DLGAP1: variants seen among roughly 807,000 people sequenced by gnomAD.
DLGAP1 encodes disks large-associated protein 1.
In DLGAP1, 11 loss-of-function variants were observed where a neutral mutation model predicts 90.8. That is an observed-to-expected ratio of 0.12 (90% confidence interval 0.08 to 0.20). The LOEUF is 0.20. DLGAP1 is among the 10% of genes least tolerant of loss of function. The probability of loss-of-function intolerance (pLI) is 1.00; values close to 1 mark genes in which losing one functional copy is unlikely to be tolerated. For missense variants in DLGAP1, 1,050 were observed against 1,333.8 expected, an observed-to-expected ratio of 0.79 and a Z score of 3.31; for synonymous variants, 558 against 540.7, an observed-to-expected ratio of 1.03 and a Z score of -0.44.
intron 9 of DLGAP1, among the ~76,000 whole-genome samples, chr18:3,550,091 T>C (rs2053299097): frequency 6.6e-6 from 1 of 151,904 alleles, no homozygotes; most frequent in South Asian, 2.1e-4. Flanking sequence ...TTTTTGTATT[T>C]TTAGTAGAGA....
intron 7 of DLGAP1, among the ~76,000 whole-genome samples, chr18:3,705,816 G>A (rs553915276): frequency 7.9e-5 from 12 of 151,590 alleles, no homozygotes; most frequent in Admixed American, 3.9e-4. Flanking sequence ...GTGCTACCAC[G>A]CGCAGCTAAT....
intron 6 of DLGAP1, among the ~76,000 whole-genome samples, chr18:3,738,968 C>T (rs367908540): frequency 1.3e-5 from 2 of 150,150 alleles, no homozygotes; most frequent in African/African-American, 4.9e-5. Context: ...GGGCGAAGGA[C>T]ATGAACAGAC....
intron 3 of DLGAP1, among the ~76,000 whole-genome samples, chr18:3,933,162 C>A (rs2072556399): frequency 6.6e-6 from 1 of 152,238 alleles, no homozygotes; most frequent in Admixed American, 6.5e-5. Flanking sequence ...CTTAGGACTT[C>A]TAACTTCAGA....
intron 3 of DLGAP1, chr18:3,977,801 A>T: frequency 2.6e-6 from 1 of 383,554 alleles, no homozygotes; most frequent in Non-Finnish European, 5.0e-6. Flanking sequence ...TTAAAGTCAG[A>T]GGCGACAACC....
Position 4,050,415 on chromosome 18 carries a change from G to A in DLGAP1, c.-158-45214C>T, listed in dbSNP as rs535250868. The stretch of plus-strand genomic sequence containing the variant: ...TATTTGTTCTTCAGAGCATACCTGT[G>A]AGGTATATGCAGGATAGGTATTATT... On this transcript the variant is annotated intron_variant, in intron 2 of 12. Coordinates refer to ENST00000315677, the MANE Select transcript of DLGAP1 (RefSeq NM_004746.4). Among the ~76,000 whole-genome samples the A allele has an allele frequency of 2.6e-5, 4 of 152,290 alleles. No homozygotes were observed. The East Asian group carries it at 7.7e-4, about 29-fold the overall frequency.
chr18:3,690,061 G>GGATTA (rs2060836887), intron 7 of DLGAP1, among the ~76,000 whole-genome samples: 1 of 149,186 alleles, frequency 6.7e-6, no homozygotes, highest in Admixed American at 6.7e-5. Context: ...CTGAACTTCA[G>GGATTA]GATTATTAAC....
intron 7 of DLGAP1, among the ~76,000 whole-genome samples, chr18:3,654,177 TA>T (rs1229950735): frequency 6.6e-6 from 1 of 152,160 alleles, no homozygotes; most frequent in African/African-American, 2.4e-5. Flanking sequence ...TGACTTCTGG[TA>T]TCCGCAGCCA....
chr18:4,233,789 A>T (rs192147001), intron 1 of DLGAP1, among the ~76,000 whole-genome samples: 150 of 152,322 alleles, frequency 9.8e-4, no homozygotes, highest in African/African-American at 3.5e-3. Context: ...AAAGCTGTAT[A>T]GGAAACAGAT....
intron 4 of DLGAP1, among the ~76,000 whole-genome samples, chr18:3,846,651 G>C (rs1389271936): frequency 1.3e-5 from 2 of 152,150 alleles, no homozygotes; most frequent in African/African-American, 4.8e-5. Flanking sequence ...CTATAACATG[G>C]ATAAATCTTA....
chr18:3,611,613 G>A (rs912208688), intron 7 of DLGAP1, among the ~76,000 whole-genome samples: 13 of 152,128 alleles, frequency 8.5e-5, no homozygotes, highest in African/African-American at 2.9e-4. Flanking sequence ...ACCCGCTGCA[G>A]CCCCTGCTTC....
At chr18:3,922,399 T>A (rs1599163556) in intron 3 of DLGAP1, among the ~76,000 whole-genome samples, 1 of 152,194 alleles carries the variant, frequency 6.6e-6, no homozygotes, top group Non-Finnish European at 1.5e-5. Flanking sequence ...AATAGCATTG[T>A]CATTTGTGCG....
intron 3 of DLGAP1, among the ~76,000 whole-genome samples, chr18:3,927,573 A>G (rs2072420382): frequency 6.6e-6 from 1 of 152,256 alleles, no homozygotes; most frequent in African/African-American, 2.4e-5. Context: ...TTATCGTATC[A>G]GCAGAGAAGT....
At chr18:4,380,957 G>C (rs543000662) in intron 1 of DLGAP1, among the ~76,000 whole-genome samples, 1 of 152,136 alleles carries the variant, frequency 6.6e-6, no homozygotes, top group Non-Finnish European at 1.5e-5. Context: ...ATTACAGTGT[G>C]AGGCACACCC....
chr18:3,887,526 A>G (rs917222510), intron 3 of DLGAP1, among the ~76,000 whole-genome samples: 1 of 152,170 alleles, frequency 6.6e-6, no homozygotes, highest in African/African-American at 2.4e-5. Flanking sequence ...GAAAAGAAGG[A>G]GTATACCAAG....
chr18:4,363,515 G>C (rs986237303), intron 1 of DLGAP1, among the ~76,000 whole-genome samples: 5 of 152,024 alleles, frequency 3.3e-5, no homozygotes, highest in African/African-American at 1.2e-4. Flanking sequence ...ATCTGACAAA[G>C]GGCTAATATC....
chr18:3,716,944 C>T (rs1346918051), intron 7 of DLGAP1, among the ~76,000 whole-genome samples: 1 of 150,462 alleles, frequency 6.6e-6, no homozygotes, highest in Admixed American at 6.6e-5. Flanking sequence ...GCCTGGGCAA[C>T]ATAGAGAGGT....
intron 3 of DLGAP1, among the ~76,000 whole-genome samples, chr18:3,928,162 T>C (rs564238296): frequency 6.6e-6 from 1 of 152,346 alleles, no homozygotes; most frequent in African/African-American, 2.4e-5. Flanking sequence ...TCTATCTGCA[T>C]TTGTATCCAG....
intron 9 of DLGAP1, among the ~76,000 whole-genome samples, chr18:3,540,696 C>T (rs186776899): frequency 9.3e-4 from 141 of 152,084 alleles, no homozygotes; most frequent in Non-Finnish European, 1.6e-3. Context: ...GACAAACATC[C>T]ATCTGTTATT....
intron 5 of DLGAP1, among the ~76,000 whole-genome samples, chr18:3,785,744 G>A (rs2065421044): frequency 6.6e-6 from 1 of 152,314 alleles, no homozygotes; most frequent in Non-Finnish European, 1.5e-5. Context: ...GGAGGTGGAA[G>A]GCAACTGTGG....
Sources: allele counts gnomAD v4.1 joint callset (sites outside exome capture counted in the v4.1 genomes callset), GRCh38; gene constraint gnomAD v4.1.1; transcripts MANE v1.5; gene names NCBI Gene and HGNC (gene_info 2026-07-23, HGNC 2026-07-21).